Variants in CLRN2 observed in about 807,000 individuals in gnomAD.
CLRN2 encodes the protein clarin 2, also known as clarin-2.
In CLRN2, 17 loss-of-function variants were observed where a neutral mutation model predicts 20.1. The ratio of observed to expected loss-of-function variants is 0.85; its 90% CI spans 0.58 to 1.27. CLRN2 has a LOEUF of 1.27. CLRN2 is among the 50% of genes most tolerant of loss of function. The pLI is 0.00. For synonymous variants in CLRN2, 140 were observed against 126.9 expected, an observed-to-expected ratio of 1.10 and a Z score of -0.70; for missense variants, 288 against 299.5, an observed-to-expected ratio of 0.96 and a Z score of 0.28.
At chr4:17,522,432 G>A (rs1711853596) in intron 1 of CLRN2, among the ~76,000 whole-genome samples, 1 of 152,196 alleles carries the variant, frequency 6.6e-6, no homozygotes, top group African/African-American at 2.4e-5. Context: ...TATGAATTAA[G>A]ATTTCACTAA....
chr4:17,517,272 G>A, intron 1 of CLRN2, among the ~76,000 whole-genome samples: 1 of 152,186 alleles, frequency 6.6e-6, no homozygotes, highest in East Asian at 1.9e-4. Flanking sequence ...ATGTAGGCAG[G>A]TAAGGGAATG....
intron 1 of CLRN2, among the ~76,000 whole-genome samples, chr4:17,520,597 G>T (rs1711815266): frequency 6.6e-6 from 1 of 152,224 alleles, no homozygotes; most frequent in Admixed American, 6.5e-5. Flanking sequence ...TGTCAACACG[G>T]TGTTTTAGCA....
At chr4:17,518,699 T>G (rs1711757141) in intron 1 of CLRN2, among the ~76,000 whole-genome samples, 1 of 151,766 alleles carries the variant, frequency 6.6e-6, no homozygotes, top group Admixed American at 6.6e-5. Context: ...AGGTGGAGGT[T>G]GCAGTGAGCC....
In CLRN2 at chr4:17,515,483, C is replaced by T; in HGVS notation, c.217C>T (p.Gln73Ter). The change falls in exon 1 of 3, where the codon CAG (glutamine) becomes TAG (stop). Residue 73 changes from glutamine to a stop codon, truncating the protein, a stop_gained. Coordinates refer to ENST00000511148, the MANE Select transcript of CLRN2 (RefSeq NM_001079827.2). LOFTEE classifies it high-confidence loss of function. ...GCTCTTCCGAGGGTGTAAAGTGCGG[C>T]AGTGTGGGCTTGGGGGCCGCCAATC... ...YGLFRGCKVRQCGLGGRQSQF... is the reference protein window; with the variant it reads ...YGLFRGCKVR 1 of 1,613,932 alleles carries T rather than the reference C, an allele frequency of 6.2e-7. No individual in the cohort carries two copies. Among genetic ancestry groups the T allele is most frequent in the East Asian group, 2.2e-5 (1 of 44,882 alleles).
At chr4:17,526,435 C>A (rs181862420) in intron 2 of CLRN2, among the ~76,000 whole-genome samples, 226 of 152,246 alleles carry the variant, frequency 1.5e-3, no homozygotes, top group African/African-American at 5.3e-3. Context: ...TGACAGGCAC[C>A]TGTAGTCCCA....
chr4:17,518,760 TAA>T (rs34571936), intron 1 of CLRN2, among the ~76,000 whole-genome samples: 1 of 142,926 alleles, frequency 7.0e-6, no homozygotes. Context: ...AAAATCCATC[TAA>T]AAAAAAAAAA....
chr4:17,522,883 G>A lies in CLRN2; in HGVS notation c.273G>A (p.Lys91=), dbSNP rs774955193. The A allele has an allele frequency of 1.2e-6, 2 of 1,613,720 alleles. No individual in the cohort carries two copies. Among genetic ancestry groups the A allele is most frequent in the African/African-American group, 1.3e-5 (1 of 74,916 alleles). ...SQFTIFPHLV[K]ELNAGLHVMI... is the part of the protein sequence containing the mutation. Reference sequence around the variant, plus strand: ...CCCCAGTCTTCCCACACCTGGTGAAGGAGCTCAACGCAGGCCTTCATGTGA... The same window carrying A: ...CCCCAGTCTTCCCACACCTGGTGAAAGAGCTCAACGCAGGCCTTCATGTGA... The change falls in exon 2 of 3, where the codon AAG becomes AAA. Residue 91 remains lysine (K), a synonymous_variant. Coordinates refer to ENST00000511148, the MANE Select transcript of CLRN2 (RefSeq NM_001079827.2).
At chr4:17,515,584 T>G in intron 1 of CLRN2, 65 bp downstream of exon 1, 2 of 1,545,772 alleles carry the variant, frequency 1.3e-6, no homozygotes, top group Non-Finnish European at 1.8e-6. Context: ...GTAAGAGTGC[T>G]TATGTCTCAT....
At chr4:17,525,365 G>C (rs951523123) in intron 2 of CLRN2, among the ~76,000 whole-genome samples, 1 of 152,162 alleles carries the variant, frequency 6.6e-6, no homozygotes, top group African/African-American at 2.4e-5. Context: ...GCCTGGCACG[G>C]TGGCTCACGC....
intron 1 of CLRN2, among the ~76,000 whole-genome samples, chr4:17,518,193 G>A (rs1711729833): frequency 6.6e-6 from 1 of 152,090 alleles, no homozygotes; most frequent in Admixed American, 6.6e-5. Context: ...TCATCACAGA[G>A]GCCTCCCCAA....
chr4:17,521,041 C>A (rs1362935897), intron 1 of CLRN2, among the ~76,000 whole-genome samples: 1 of 151,762 alleles, frequency 6.6e-6, no homozygotes, highest in Non-Finnish European at 1.5e-5. Context: ...AAATAAATAT[C>A]AGCACAAGCT....
chr4:17,518,625 G>A (rs573693981), intron 1 of CLRN2, among the ~76,000 whole-genome samples: 1 of 152,302 alleles, frequency 6.6e-6, no homozygotes, highest in South Asian at 2.1e-4. Context: ...GCCGGGCGTG[G>A]TGGCAGGTGC....
intron 2 of CLRN2, among the ~76,000 whole-genome samples, chr4:17,523,273 G>T (rs1010680311): frequency 6.6e-6 from 1 of 150,852 alleles, no homozygotes; most frequent in East Asian, 2.0e-4. Flanking sequence ...GAAGTGCAGT[G>T]GTGCGATCTC....
rs775419982 is a variant in CLRN2 at position 17,526,825 on chromosome 4, G to A, written c.442G>A (p.Val148Met). Residue 148 changes from valine (V) to methionine (M), a missense_variant, in exon 3 of 3, where the codon GTG becomes ATG. Val to Met is a conservative substitution (Grantham distance 21). Coordinates refer to ENST00000511148, the MANE Select transcript of CLRN2 (RefSeq NM_001079827.2). ...CLWNVLAGGV[V>M]ALAIASFVAA... is the part of the protein sequence containing the mutation. ...ACCTTTTTGAGTTTCAGGCGGCGTC[G>A]TGGCGTTAGCCATCGCCAGCTTCGT... is the stretch of plus-strand genomic sequence containing the variant. The A allele has an allele frequency of 6.2e-6, 10 of 1,613,816 alleles. No individual in the cohort carries two copies. In the African/African-American group the frequency reaches 1.2e-4, roughly 19 times the overall value.
Position 17,515,402 on chromosome 4 carries a change from C to T in CLRN2, c.136C>T (p.Leu46=). 6.2e-7 allele frequency: 1 copy of T among 1,613,970 alleles called. No homozygotes were observed. The highest frequency in any genetic ancestry group is 8.5e-7 in the Non-Finnish European group (1 of 1,179,886). Residue 46 remains leucine (L), a synonymous_variant, in exon 1 of 3, where the codon CTG becomes TTG. Coordinates refer to ENST00000511148, the MANE Select transcript of CLRN2 (RefSeq NM_001079827.2). ...GKILCQTGVD[L]VNATDRELVK... is the part of the protein sequence containing the mutation. ...AATCCTTTGTCAGACTGGAGTGGAT[C>T]TGGTCAACGCCACAGACAGAGAGCT... is the stretch of plus-strand genomic sequence containing the variant.
Position 17,526,675 on chromosome 4 carries a change from CT to C in CLRN2, c.434-138del, listed in dbSNP as rs1482952041. On this transcript the variant is annotated intron_variant, in intron 2 of 2. Coordinates refer to ENST00000511148, the MANE Select transcript of CLRN2 (RefSeq NM_001079827.2). ...TTCATACTGTGTGGGTTATCTCCTA[CT>C]TTTAAAAGCAAATTAAAACTTATGT... The C allele has an allele frequency of 6.3e-6, 6 of 955,916 alleles. No individual in the cohort carries two copies. The East Asian group carries it at 1.6e-4, about 25-fold the overall frequency. 59.2% of individuals were successfully genotyped at this position (955,916 alleles called of 1,614,324 possible).
chr4:17,518,467 A>C (rs1711748875), intron 1 of CLRN2, among the ~76,000 whole-genome samples: 1 of 152,214 alleles, frequency 6.6e-6, no homozygotes, highest in South Asian at 2.1e-4. Flanking sequence ...GCCCTAGAAA[A>C]GCTTAACATC....
At chr4:17,525,214 G>A (rs1052506263) in intron 2 of CLRN2, among the ~76,000 whole-genome samples, 3 of 151,964 alleles carry the variant, frequency 2.0e-5, no homozygotes, top group Non-Finnish European at 4.4e-5. Flanking sequence ...CCAGAAATAA[G>A]GTCATACTTA....
chr4:17,521,854 A>T (rs966036024), intron 1 of CLRN2, among the ~76,000 whole-genome samples: 1 of 152,218 alleles, frequency 6.6e-6, no homozygotes, highest in African/African-American at 2.4e-5. Context: ...GCTGAGGCAG[A>T]TCTCAAAGAT....
Sources: allele counts gnomAD v4.1 joint callset (sites outside exome capture counted in the v4.1 genomes callset), GRCh38; gene constraint gnomAD v4.1.1; transcripts MANE v1.5; gene names NCBI Gene and HGNC (gene_info 2026-07-23, HGNC 2026-07-21).